The following KCNIP4 variants were observed in gnomAD, a reference collection of about 807,000 sequenced individuals.
KCNIP4 encodes the protein Kv channel-interacting protein 4.
KCNIP4 carries 12 observed loss-of-function variants against 34.0 expected under a neutral mutation model. The ratio of observed to expected loss-of-function variants is 0.35; its 90% confidence interval spans 0.23 to 0.57. KCNIP4 has a LOEUF of 0.57. Among genes scored for constraint, KCNIP4 ranks in the 20% least tolerant of loss-of-function variants. The pLI is 0.83. For missense variants in KCNIP4, 238 were observed against 311.7 expected, an observed-to-expected ratio of 0.76 and a Z score of 1.78; for synonymous variants, 124 against 102.2, an observed-to-expected ratio of 1.21 and a Z score of -1.29.
At chr4:21,279,080 C>T (rs181493246) in intron 1 of KCNIP4, among the ~76,000 whole-genome samples, 4 of 152,102 alleles carry the variant, frequency 2.6e-5, no homozygotes, top group East Asian at 1.9e-4. Context: ...AACTCAAGGA[C>T]GATGAGTAAG....
chr4:20,730,389 T>A (rs1005613699), intron 8 of KCNIP4, among the ~76,000 whole-genome samples: 2 of 152,182 alleles, frequency 1.3e-5, no homozygotes, highest in African/African-American at 4.8e-5. Context: ...TACTTGGTAT[T>A]AATAGAGGAT....
Position 21,125,629 on chromosome 4 carries a change from G to A in KCNIP4, c.62-242920C>T, listed in dbSNP as rs116361883. Among the ~76,000 whole-genome samples, 266 of 152,204 alleles carry A rather than the reference G, an allele frequency of 1.7e-3. 1 individual carries two copies. The highest frequency in any genetic ancestry group is 5.8e-3 in the African/African-American group (243 of 41,546). The stretch of plus-strand genomic sequence containing the variant: ...CCAACAAGTTCTCAGGTGACCGCAC[G>A]TTGGGAACCAGTGCAACACAGTAAA... On this transcript the variant is annotated intron_variant, in intron 1 of 8. Transcript: ENST00000382152.
At chr4:21,896,006 T>C (rs1326466433) in intron 1 of KCNIP4, among the ~76,000 whole-genome samples, 2 of 152,226 alleles carry the variant, frequency 1.3e-5, no homozygotes, top group South Asian at 2.1e-4. Context: ...TGGTCTGTAC[T>C]GATGAGGCTT....
At chr4:20,932,971 C>CACAGT (rs1432953853) in intron 1 of KCNIP4, among the ~76,000 whole-genome samples, 18 of 152,078 alleles carry the variant, frequency 1.2e-4, no homozygotes, top group Non-Finnish European at 2.4e-4. Context: ...GAAGACCAGG[C>CACAGT]ACAGTGGCTC....
intron 1 of KCNIP4, among the ~76,000 whole-genome samples, chr4:21,553,577 G>A (rs1409894208): frequency 7.9e-5 from 12 of 151,950 alleles, no homozygotes; most frequent in Non-Finnish European, 1.3e-4. Flanking sequence ...CATTCTGCTT[G>A]GTGAGGCACC....
chr4:21,350,430 A>G (rs1218816590), intron 1 of KCNIP4, among the ~76,000 whole-genome samples: 1 of 152,202 alleles, frequency 6.6e-6, no homozygotes, highest in African/African-American at 2.4e-5. Flanking sequence ...TAACATGGCC[A>G]GCCACCCAAA....
intron 8 of KCNIP4, chr4:20,731,463 C>T: frequency 2.0e-6 from 2 of 985,242 alleles, no homozygotes; most frequent in Non-Finnish European, 2.4e-6. Context: ...CAGGCTACTA[C>T]CTGGAGTTCT....
intron 1 of KCNIP4, among the ~76,000 whole-genome samples, chr4:21,217,858 A>G (rs115051540): frequency 0.011 from 1,612 of 152,210 alleles, 31 homozygotes; most frequent in African/African-American, 0.037. Context: ...GTGACTTAGT[A>G]TAGCCCATGA....
intron 1 of KCNIP4, among the ~76,000 whole-genome samples, chr4:21,457,627 C>G (rs1350667899): frequency 6.6e-6 from 1 of 151,930 alleles, no homozygotes; most frequent in Non-Finnish European, 1.5e-5. Context: ...ATAAAAATCA[C>G]ACTCCCTGGA....
At chr4:21,504,847 T>C (rs1733697728) in intron 1 of KCNIP4, among the ~76,000 whole-genome samples, 1 of 152,244 alleles carries the variant, frequency 6.6e-6, no homozygotes, top group South Asian at 2.1e-4. Flanking sequence ...TTGACGATGT[T>C]ACCAAATTTG....
intron 1 of KCNIP4, among the ~76,000 whole-genome samples, chr4:21,377,205 G>A (rs867904502): frequency 3.9e-5 from 6 of 152,060 alleles, no homozygotes; most frequent in East Asian, 3.9e-4. Flanking sequence ...CATACTACTC[G>A]GACAGGAGAA....
chr4:21,303,745 C>T, intron 1 of KCNIP4: 2 of 1,364,224 alleles, frequency 1.5e-6, no homozygotes, highest in Non-Finnish European at 2.1e-6. Context: ...CTTACATTCA[C>T]CTAAGACATT....
In KCNIP4 at chr4:20,963,643, T is replaced by C. The variant is rs373763004; in HGVS notation, c.62-80934A>G. Among the ~76,000 whole-genome samples the C allele has an allele frequency of 2.0e-5, 3 of 152,134 alleles. No individual in the cohort carries two copies. The East Asian group carries it at 5.8e-4, about 29-fold the overall frequency. Reference sequence around the variant, plus strand: ...TGCAATAAACACAGTAGAAACTAAGTAAAAAGAAATTAGGAGAGTGGATTT... The same window carrying C: ...TGCAATAAACACAGTAGAAACTAAGCAAAAAGAAATTAGGAGAGTGGATTT... On this transcript the variant is annotated intron_variant, in intron 1 of 8. Coordinates refer to ENST00000382152, the MANE Select transcript of KCNIP4 (RefSeq NM_025221.6).
intron 1 of KCNIP4, among the ~76,000 whole-genome samples, chr4:21,633,482 C>A (rs192475108): frequency 6.6e-5 from 10 of 151,790 alleles, no homozygotes; most frequent in African/African-American, 1.9e-4. Context: ...TTAGTATCTT[C>A]TAAGGCAAAT....
chr4:21,643,392 C>T (rs532532501), intron 1 of KCNIP4, among the ~76,000 whole-genome samples: 2 of 152,174 alleles, frequency 1.3e-5, no homozygotes, highest in South Asian at 4.1e-4. Context: ...TAGTATTAAT[C>T]ATGTTAAGCA....
At chr4:20,842,223 A>C (rs898455145) in intron 3 of KCNIP4, among the ~76,000 whole-genome samples, 3 of 152,114 alleles carry the variant, frequency 2.0e-5, no homozygotes, top group Admixed American at 6.5e-5. Flanking sequence ...CCATGAAAAA[A>C]TATATTGAAA....
chr4:21,047,488 TA>T (rs1742535875), intron 1 of KCNIP4, among the ~76,000 whole-genome samples: 1 of 152,210 alleles, frequency 6.6e-6, no homozygotes, highest in African/African-American at 2.4e-5. Context: ...AAGGAGGTAT[TA>T]TTTTTAACAC....
chr4:20,812,934 AGTGT>A (rs34935781), intron 3 of KCNIP4, among the ~76,000 whole-genome samples: 23 of 149,514 alleles, frequency 1.5e-4, no homozygotes, highest in South Asian at 8.4e-4. Flanking sequence ...TTTGTGTGTG[AGTGT>A]GTGTGTGTGT....
At chr4:20,831,559 A>G (rs1181132096) in intron 3 of KCNIP4, among the ~76,000 whole-genome samples, 1 of 152,214 alleles carries the variant, frequency 6.6e-6, no homozygotes, top group Non-Finnish European at 1.5e-5. Context: ...TAGCCAAAAA[A>G]TATATTCTAG....
Sources: allele counts gnomAD v4.1 joint callset (sites outside exome capture counted in the v4.1 genomes callset), GRCh38; gene constraint gnomAD v4.1.1; transcripts MANE v1.5; gene names NCBI Gene and HGNC (gene_info 2026-07-23, HGNC 2026-07-21).